The following FGF14 variants were observed in gnomAD, a reference collection of about 807,000 sequenced individuals.
FGF14 encodes fibroblast growth factor 14, also known as fibroblast growth factor homologous factor 4.
Under a neutral mutation model 25.5 loss-of-function variants are expected in FGF14, and 5 were observed. The observed-to-expected ratio is 0.20, with a 90% CI of 0.10 to 0.41. FGF14 has a LOEUF of 0.41. FGF14 is among the 10% of genes least tolerant of loss of function. The pLI, the probability that FGF14 is intolerant of heterozygous loss-of-function variation, is 1.00. For missense variants in FGF14, 222 were observed against 320.1 expected (o/e 0.69, Z 2.34); for synonymous variants, 138 against 118.3 (o/e 1.17, Z -1.08).
chr13:101,785,269 C>T lies in FGF14; in HGVS notation c.409-58459G>A, dbSNP rs74121012. 6.7e-3 allele frequency among the ~76,000 whole-genome samples: 1,013 copies of T among 150,534 alleles called. 15 individuals carry two copies. The highest frequency in any genetic ancestry group is 0.024 in the African/African-American group (971 of 41,080). On this transcript the variant is annotated intron_variant, in intron 3 of 4. Coordinates refer to ENST00000376143, the MANE Select transcript of FGF14 (RefSeq NM_004115.4). ...CCTTCTGCTTTGTAAAGAATATTTG[C>T]GGTGAGGGTTAGCAACCCCAGCTGA... is the stretch of plus-strand genomic sequence containing the variant.
chr13:102,079,745 T>C (rs1315123766), intron 1 of FGF14, among the ~76,000 whole-genome samples: 1 of 152,184 alleles, frequency 6.6e-6, no homozygotes, highest in Non-Finnish European at 1.5e-5. Flanking sequence ...TGACTACATA[T>C]ACACACATAC....
intron 1 of FGF14, among the ~76,000 whole-genome samples, chr13:102,149,300 T>C (rs1002629940): frequency 1.3e-5 from 2 of 152,200 alleles, no homozygotes; most frequent in Admixed American, 6.5e-5. Flanking sequence ...CACTAGGTTC[T>C]TTGACTGCAA....
intron 1 of FGF14, among the ~76,000 whole-genome samples, chr13:102,316,646 A>G (rs890002569): frequency 6.6e-6 from 1 of 152,250 alleles, no homozygotes; most frequent in African/African-American, 2.4e-5. Flanking sequence ...GTGTGTGTGT[A>G]TATATATATG....
At chr13:102,233,944 T>C (rs2051202692) in intron 1 of FGF14, among the ~76,000 whole-genome samples, 1 of 152,240 alleles carries the variant, frequency 6.6e-6, no homozygotes, top group Admixed American at 6.5e-5. Context: ...TCTTCCATAT[T>C]TGACTACTAT....
At chr13:102,217,349 G>A (rs2050418054) in intron 1 of FGF14, among the ~76,000 whole-genome samples, 1 of 152,142 alleles carries the variant, frequency 6.6e-6, no homozygotes, top group African/African-American at 2.4e-5. Context: ...TTCTTCCATG[G>A]AGAAGAATAA....
intron 3 of FGF14, 115 bp from the exon 4 acceptor site, chr13:101,726,925 A>G: frequency 1.4e-6 from 1 of 719,756 alleles, no homozygotes; most frequent in Non-Finnish European, 2.4e-6. Context: ...GGCATGGAGG[A>G]CCGGATATAC....
At chr13:102,082,012 C>T (rs2043645749) in intron 1 of FGF14, among the ~76,000 whole-genome samples, 1 of 151,948 alleles carries the variant, frequency 6.6e-6, no homozygotes, top group African/African-American at 2.4e-5. Context: ...TCAAAACAAA[C>T]AGGGAAGCCA....
intron 1 of FGF14, among the ~76,000 whole-genome samples, chr13:101,934,485 G>A (rs1282333827): frequency 2.6e-5 from 4 of 152,258 alleles, no homozygotes; most frequent in East Asian, 1.9e-4. Flanking sequence ...TTTTTGGGGT[G>A]CTGGAAATAT....
chr13:101,904,461 T>C (rs1353384364), intron 1 of FGF14, among the ~76,000 whole-genome samples: 2 of 152,200 alleles, frequency 1.3e-5, no homozygotes, highest in African/African-American at 4.8e-5. Context: ...GTGAGGCTAG[T>C]CAATTATGAT....
At chr13:102,072,536 G>A (rs1044202245) in intron 1 of FGF14, among the ~76,000 whole-genome samples, 6 of 152,108 alleles carry the variant, frequency 3.9e-5, no homozygotes, top group African/African-American at 1.4e-4. Flanking sequence ...CAAATTTAAT[G>A]ATAGCCCTTC....
chr13:101,927,040 C>T (rs1288863319), intron 1 of FGF14, among the ~76,000 whole-genome samples: 1 of 152,086 alleles, frequency 6.6e-6, no homozygotes, highest in Non-Finnish European at 1.5e-5. Flanking sequence ...TTTAGAGCCC[C>T]GAGACAAGCC....
At chr13:101,950,467 T>C (rs2036087355) in intron 1 of FGF14, among the ~76,000 whole-genome samples, 1 of 152,192 alleles carries the variant, frequency 6.6e-6, no homozygotes, top group African/African-American at 2.4e-5. Context: ...AAGCATGCCT[T>C]TTACTGTCTT....
chr13:102,146,098 T>C (rs1452328432), intron 1 of FGF14, among the ~76,000 whole-genome samples: 3 of 152,220 alleles, frequency 2.0e-5, no homozygotes, highest in Non-Finnish European at 4.4e-5. Flanking sequence ...TTGTGATTCA[T>C]AAAACTCTTC....
At chr13:102,230,086 G>T (rs2183289) in intron 1 of FGF14, among the ~76,000 whole-genome samples, 6,256 of 152,142 alleles carry the variant, frequency 0.041, 430 homozygotes, top group African/African-American at 0.14. Context: ...TGGGTCAAGA[G>T]GGCAGAGCCC....
At chr13:102,330,709 T>C (rs1315420325) in intron 1 of FGF14, among the ~76,000 whole-genome samples, 1 of 152,034 alleles carries the variant, frequency 6.6e-6, no homozygotes, top group Non-Finnish European at 1.5e-5. Context: ...ACCACCCTAC[T>C]CAAAACTGCA....
chr13:102,231,849 G>T (rs1422320840), intron 1 of FGF14, among the ~76,000 whole-genome samples: 2 of 152,184 alleles, frequency 1.3e-5, no homozygotes, highest in South Asian at 4.1e-4. Flanking sequence ...CAGTATGGCA[G>T]TAATTCCCAA....
Position 101,722,975 on chromosome 13 carries a change from T to C in FGF14, c.608-8A>G. On this transcript the variant is annotated splice_region_variant and splice_polypyrimidine_tract_variant and intron_variant, in intron 4 of 4. Transcript: ENST00000376143. ...GTTCTCGGTACATGGCAACTAGTGATGGGAAGAAAGGAGGAGGAAAAGCAA... is the reference window on the plus strand; with the variant it reads ...GTTCTCGGTACATGGCAACTAGTGACGGGAAGAAAGGAGGAGGAAAAGCAA... 6.2e-7 allele frequency: 1 copy of C among 1,613,172 alleles called. No homozygotes were observed. The highest frequency in any genetic ancestry group is 8.5e-7 in the Non-Finnish European group (1 of 1,179,390).
At chr13:102,073,001 C>T (rs2043211987) in intron 1 of FGF14, among the ~76,000 whole-genome samples, 1 of 152,158 alleles carries the variant, frequency 6.6e-6, no homozygotes, top group South Asian at 2.1e-4. Flanking sequence ...TTGCCTCCAC[C>T]TAGCCAGAGG....
chr13:102,077,326 CA>C (rs1339178747), intron 1 of FGF14, among the ~76,000 whole-genome samples: 2 of 152,072 alleles, frequency 1.3e-5, no homozygotes, highest in African/African-American at 2.4e-5. Context: ...AGCTTCTGCA[CA>C]GTAAGGGAAC....
Sources: gnomAD v4.1 joint callset for allele counts (sites outside exome capture counted in the v4.1 genomes callset) on GRCh38, gnomAD v4.1.1 for gene constraint, MANE v1.5 for transcripts, NCBI Gene and HGNC (gene_info 2026-07-23, HGNC 2026-07-21) for gene names.